The following MYRIP variants were observed in gnomAD, a reference collection of about 807,000 sequenced individuals.
MYRIP encodes myosin VIIA and Rab interacting protein.
A neutral mutation model predicts 98.0 loss-of-function variants in MYRIP; 49 were observed. The observed-to-expected ratio is 0.50, with a 90% CI of 0.40 to 0.63. MYRIP has a LOEUF of 0.63. Among genes scored for constraint, MYRIP ranks in the 30% least tolerant of loss-of-function variants. MYRIP has a pLI of 0.00. For missense variants in MYRIP, 1,004 were observed against 1,058.2 expected (o/e 0.95, Z 0.71); for synonymous variants, 404 against 409.5 (o/e 0.99, Z 0.16).
At chr3:40,214,901 G>T (rs1008311588) in intron 11 of MYRIP, among the ~76,000 whole-genome samples, 2 of 152,096 alleles carry the variant, frequency 1.3e-5, no homozygotes, top group African/African-American at 4.8e-5. Flanking sequence ...CTACATCAGG[G>T]GCCAAGTCTC....
At position 40,078,815 on chromosome 3, in the gene MYRIP, T is replaced by C. The variant is rs534811367; in HGVS notation, c.332+34544T>C. Among the ~76,000 whole-genome samples the C allele has an allele frequency of 8.5e-5, 13 of 152,262 alleles. No homozygotes were observed. The East Asian group carries it at 2.5e-3, about 29-fold the overall frequency. On this transcript the variant is annotated intron_variant, in intron 3 of 16. Coordinates refer to ENST00000302541, the MANE Select transcript of MYRIP (RefSeq NM_015460.4). ...TGCTCTGGAGAAAAGAGCCCTATTTTAAGAGATGCCACAGACTGCCCGTTC... is the reference window on the plus strand; with the variant it reads ...TGCTCTGGAGAAAAGAGCCCTATTTCAAGAGATGCCACAGACTGCCCGTTC...
At chr3:39,837,625 A>C (rs1941667214) in intron 1 of MYRIP, among the ~76,000 whole-genome samples, 1 of 152,162 alleles carries the variant, frequency 6.6e-6, no homozygotes, top group South Asian at 2.1e-4. Context: ...GTAGCCTTGT[A>C]GTATAGTTTG....
chr3:40,121,777 A>G (rs1949411287), intron 3 of MYRIP, among the ~76,000 whole-genome samples: 2 of 152,254 alleles, frequency 1.3e-5, no homozygotes, highest in Admixed American at 6.5e-5. Flanking sequence ...TTTTTAAAAT[A>G]AAGATTGATG....
chr3:40,000,788 C>T (rs1019750215), intron 2 of MYRIP, among the ~76,000 whole-genome samples: 1 of 152,092 alleles, frequency 6.6e-6, no homozygotes, highest in Admixed American at 6.5e-5. Context: ...CCTGGGAAGC[C>T]CACAGCCACC....
In MYRIP at chr3:40,146,057, TAAAC is replaced by T. The variant is rs1010447066; in HGVS notation, c.333-4987_333-4984del. Among the ~76,000 whole-genome samples the T allele has an allele frequency of 5.4e-4, 82 of 152,314 alleles. 1 individual carries two copies. Among genetic ancestry groups the T allele is most frequent in the African/African-American group, 1.7e-3 (71 of 41,566 alleles). On this transcript the variant is annotated intron_variant, in intron 3 of 16. Transcript: ENST00000302541. Reference sequence around the variant, plus strand: ...TGTTCTATTCAAGAGGGGAAATAGATAAACAAATTAATAATTGTCAATATGTTGA... The same window carrying T: ...TGTTCTATTCAAGAGGGGAAATAGATAAATTAATAATTGTCAATATGTTGA...
intron 1 of MYRIP, among the ~76,000 whole-genome samples, chr3:39,820,206 A>G (rs1393367256): frequency 1.3e-5 from 2 of 152,226 alleles, no homozygotes; most frequent in African/African-American, 4.8e-5. Context: ...ATCTTCTGAC[A>G]CTGAATCCTG....
At chr3:40,122,136 A>G (rs1462242156) in intron 3 of MYRIP, among the ~76,000 whole-genome samples, 1 of 152,140 alleles carries the variant, frequency 6.6e-6, no homozygotes, top group Non-Finnish European at 1.5e-5. Context: ...TTTTCAGTTG[A>G]GAGTTTTGAA....
chr3:39,884,640 C>A (rs1404113306), intron 1 of MYRIP, among the ~76,000 whole-genome samples: 5 of 152,008 alleles, frequency 3.3e-5, no homozygotes, highest in African/African-American at 1.2e-4. Context: ...CCATTTTATC[C>A]AAATGAAAAC....
At chr3:40,048,881 A>G (rs959101380) in intron 3 of MYRIP, among the ~76,000 whole-genome samples, 1 of 152,184 alleles carries the variant, frequency 6.6e-6, no homozygotes, top group African/African-American at 2.4e-5. Flanking sequence ...AGAAAATGGG[A>G]TACTACTGAA....
At chr3:40,048,069 A>T (rs1947708122) in intron 3 of MYRIP, among the ~76,000 whole-genome samples, 1 of 152,158 alleles carries the variant, frequency 6.6e-6, no homozygotes. Context: ...GATTTACTTT[A>T]GACACTACTC....
At chr3:40,108,474 A>G (rs2125899215) in intron 3 of MYRIP, among the ~76,000 whole-genome samples, 1 of 152,256 alleles carries the variant, frequency 6.6e-6, no homozygotes, top group East Asian at 1.9e-4. Context: ...GAGTGCTGAC[A>G]TTCAACAAAT....
intron 1 of MYRIP, among the ~76,000 whole-genome samples, chr3:39,889,521 G>A (rs1240069920): frequency 6.6e-6 from 1 of 152,086 alleles, no homozygotes; most frequent in African/African-American, 2.4e-5. Context: ...ACACTCTGGG[G>A]ACCGTTGTGG....
At chr3:40,141,404 T>G (rs1408766021) in intron 3 of MYRIP, among the ~76,000 whole-genome samples, 1 of 152,254 alleles carries the variant, frequency 6.6e-6, no homozygotes, top group East Asian at 1.9e-4. Context: ...GTAGGTTGTC[T>G]TTTCACTCTG....
At position 40,257,164 on chromosome 3, in the gene MYRIP, AAAAT is replaced by A. The variant is rs200129105; in HGVS notation, c.2548-966_2548-963del. On this transcript the variant is annotated intron_variant, in intron 16 of 16. Transcript: ENST00000302541. ...AACATAGTGAGACCTGTCTTTACAA[AAAAT>A]AAAAAGTTAGCCAGTCATGGTGGCA... Among the ~76,000 whole-genome samples, 341 of 152,258 alleles carry A rather than the reference AAAAT, an allele frequency of 2.2e-3. 4 individuals carry two copies. The highest frequency in any genetic ancestry group is 0.015 in the Admixed American group (228 of 15,298).
chr3:40,138,100 A>G (rs1395647832), intron 3 of MYRIP, among the ~76,000 whole-genome samples: 1 of 152,244 alleles, frequency 6.6e-6, no homozygotes, highest in African/African-American at 2.4e-5. Context: ...AGAATCTCCA[A>G]GAACATATGT....
intron 1 of MYRIP, among the ~76,000 whole-genome samples, chr3:39,864,711 G>A (rs1161852166): frequency 6.6e-6 from 1 of 152,010 alleles, no homozygotes; most frequent in African/African-American, 2.4e-5. Context: ...AACAGTTAAA[G>A]TGGCCATACT....
chr3:40,071,082 G>A (rs1007136765), intron 3 of MYRIP: 1 of 947,548 alleles, frequency 1.1e-6, no homozygotes, highest in Non-Finnish European at 1.3e-6. Flanking sequence ...ATAAGAATCT[G>A]TGGTAGGGAA....
chr3:39,852,484 T>C (rs930695666), intron 1 of MYRIP, among the ~76,000 whole-genome samples: 17 of 152,156 alleles, frequency 1.1e-4, no homozygotes, highest in African/African-American at 3.9e-4. Context: ...GGTGCAACTG[T>C]CACCTGAGCA....
At chr3:40,258,015 T>A in intron 16 of MYRIP, 119 bp from the exon 17 acceptor site, 1 of 1,090,838 alleles carries the variant, frequency 9.2e-7, no homozygotes, top group Non-Finnish European at 1.4e-6. Flanking sequence ...GTGAAACATC[T>A]AACTGGTCAA....
Sources: allele counts gnomAD v4.1 joint callset (sites outside exome capture counted in the v4.1 genomes callset), GRCh38; gene constraint gnomAD v4.1.1; transcripts MANE v1.5; gene names NCBI Gene and HGNC (gene_info 2026-07-23, HGNC 2026-07-21).